The following PGBD5 variants were observed in gnomAD, a reference collection of about 807,000 sequenced individuals.
PGBD5 encodes piggyBac transposable element-derived protein 5.
A neutral mutation model predicts 47.9 loss-of-function variants in PGBD5; 14 were observed. The ratio of observed to expected loss-of-function variants is 0.29; its 90% CI spans 0.19 to 0.46. The LOEUF is 0.46. Ranked by LOEUF, PGBD5 falls within the 20% of genes least tolerant of loss-of-function variation. The pLI is 1.00. For missense variants in PGBD5, 635 were observed against 716.0 expected (o/e 0.89, Z 1.29); for synonymous variants, 316 against 306.3 (o/e 1.03, Z -0.33).
intron 3 of PGBD5, among the ~76,000 whole-genome samples, chr1:230,349,824 T>C (rs1667533187): frequency 6.6e-6 from 1 of 152,172 alleles, no homozygotes; most frequent in Non-Finnish European, 1.5e-5. Context: ...GGAATTCTGC[T>C]CTGGGATAGG....
At chr1:230,363,711 C>T (rs975665891) in intron 1 of PGBD5, among the ~76,000 whole-genome samples, 1 of 151,954 alleles carries the variant, frequency 6.6e-6, no homozygotes, top group African/African-American at 2.4e-5. Context: ...AACTGTCAGC[C>T]GTTTTGTGAT....
Position 230,425,526 on chromosome 1 carries a change from C to A in PGBD5, c.331+72G>T. The A allele has an allele frequency of 8.9e-7, 1 of 1,124,944 alleles. No homozygotes were observed. The highest frequency in any genetic ancestry group is 1.1e-6 in the Non-Finnish European group (1 of 897,084). 69.7% of individuals were successfully genotyped at this position (1,124,944 alleles called of 1,614,324 possible). On this transcript the variant is annotated intron_variant, in intron 1 of 6. Coordinates refer to ENST00000391860, the MANE Select transcript of PGBD5 (RefSeq NM_001258311.2). The surrounding 1 kb of genome is among the most constrained non-coding windows in gnomAD (Gnocchi z 4.7). ...CCACGGAGAGTCTGGACTCGCCCGC[C>A]CCAGCACCCACGCCTCCCCCGCGCC... is the stretch of plus-strand genomic sequence containing the variant.
At chr1:230,403,849 A>C (rs1172467599) in intron 1 of PGBD5, among the ~76,000 whole-genome samples, 1 of 152,222 alleles carries the variant, frequency 6.6e-6, no homozygotes. Context: ...GACCGCCCAG[A>C]AGAAACAGAC....
At chr1:230,353,953 G>A (rs369240114) in intron 2 of PGBD5, among the ~76,000 whole-genome samples, 27 of 152,302 alleles carry the variant, frequency 1.8e-4, no homozygotes, top group East Asian at 1.4e-3. Context: ...ATAAATGCAG[G>A]AGCCGAGCAG....
intron 3 of PGBD5, 124 bp downstream of exon 3, chr1:230,350,834 G>A: frequency 3.6e-6 from 5 of 1,383,212 alleles, no homozygotes; most frequent in Non-Finnish European, 4.9e-6. Context: ...CATCTGGGTG[G>A]ACTTGGACCC....
chr1:230,383,146 T>C (rs1481593763), intron 1 of PGBD5, among the ~76,000 whole-genome samples: 2 of 152,198 alleles, frequency 1.3e-5, no homozygotes, highest in African/African-American at 4.8e-5. Context: ...CACGGCTCAC[T>C]GTAACCTTGA....
intron 3 of PGBD5, among the ~76,000 whole-genome samples, chr1:230,344,843 C>G (rs377643526): frequency 3.1e-4 from 47 of 152,296 alleles, no homozygotes; most frequent in African/African-American, 1.1e-3. Flanking sequence ...TCCAGAATTG[C>G]CTCCTTGACA....
intron 1 of PGBD5, among the ~76,000 whole-genome samples, chr1:230,408,824 A>T (rs1657351405): frequency 6.6e-6 from 1 of 152,206 alleles, no homozygotes; most frequent in Non-Finnish European, 1.5e-5. Flanking sequence ...TAGGACACCA[A>T]AAACAAGCAA....
intron 1 of PGBD5, among the ~76,000 whole-genome samples, chr1:230,423,527 C>T (rs1657705447): frequency 6.6e-6 from 1 of 152,174 alleles, no homozygotes; most frequent in Non-Finnish European, 1.5e-5. Flanking sequence ...CACTGGTAGG[C>T]GCAAGGATTT....
chr1:230,422,804 A>G (rs1422764783), intron 1 of PGBD5, among the ~76,000 whole-genome samples: 2 of 152,158 alleles, frequency 1.3e-5, no homozygotes, highest in Admixed American at 6.5e-5. Flanking sequence ...CACCTTAACT[A>G]CAGAAATGTT....
chr1:230,396,324 C>G (rs990002342), intron 1 of PGBD5, among the ~76,000 whole-genome samples: 7 of 133,756 alleles, frequency 5.2e-5, no homozygotes, highest in Non-Finnish European at 1.1e-4. Context: ...ACCCCACACT[C>G]CTTCTCCTCT....
intron 1 of PGBD5, among the ~76,000 whole-genome samples, chr1:230,424,292 TAGAG>T (rs1466410613): frequency 5.3e-5 from 8 of 152,224 alleles, no homozygotes; most frequent in Admixed American, 2.0e-4. Context: ...AAAAGGACTA[TAGAG>T]AGTCAATGAT....
intron 1 of PGBD5, among the ~76,000 whole-genome samples, chr1:230,404,625 A>AT (rs1553290460): frequency 0.013 from 1,631 of 125,716 alleles, 38 homozygotes; most frequent in East Asian, 0.074. Context: ...AAAAAAAAAA[A>AT]AAAAATATAT....
chr1:230,420,750 G>T (rs1238461785), intron 1 of PGBD5, among the ~76,000 whole-genome samples: 1 of 152,132 alleles, frequency 6.6e-6, no homozygotes. Context: ...TTTATAAATT[G>T]CCCAGTCTTG....
At chr1:230,406,930 C>T (rs923936185) in intron 1 of PGBD5, among the ~76,000 whole-genome samples, 1 of 152,322 alleles carries the variant, frequency 6.6e-6, no homozygotes. Context: ...CCACCGCCCA[C>T]GTTCAAATGC....
intron 1 of PGBD5, chr1:230,377,775 C>T (rs1668036763): frequency 8.1e-7 from 1 of 1,239,500 alleles, no homozygotes; most frequent in South Asian, 2.2e-5. Flanking sequence ...AGTGCAGCAT[C>T]CGGCTCATAC....
intron 1 of PGBD5, among the ~76,000 whole-genome samples, chr1:230,424,671 G>A (rs1657732451): frequency 1.3e-5 from 2 of 152,342 alleles, no homozygotes; most frequent in Middle Eastern, 3.4e-3. Flanking sequence ...CACCGGTTGC[G>A]CGCACTTCTA....
chr1:230,360,841 A>G (rs1181516164), intron 1 of PGBD5, among the ~76,000 whole-genome samples: 1 of 152,194 alleles, frequency 6.6e-6, no homozygotes, highest in African/African-American at 2.4e-5. Flanking sequence ...TGGCATGGGC[A>G]GCACCCCCAG....
At chr1:230,374,855 TAAAC>T (rs1280217061) in intron 1 of PGBD5, among the ~76,000 whole-genome samples, 4 of 152,330 alleles carry the variant, frequency 2.6e-5, no homozygotes, top group African/African-American at 9.6e-5. Flanking sequence ...TTATACTCCT[TAAAC>T]AACATTTAGT....
Sources: allele counts gnomAD v4.1 joint callset (sites outside exome capture counted in the v4.1 genomes callset), GRCh38; gene constraint gnomAD v4.1.1; non-coding constraint Gnocchi (gnomAD v3.1); transcripts MANE v1.5; gene names NCBI Gene and HGNC (gene_info 2026-07-23, HGNC 2026-07-21).